The following TVP23A variants were observed in gnomAD, a reference collection of about 807,000 sequenced individuals.
The protein encoded by TVP23A is trans-golgi network vesicle protein 23 homolog A, also known as Golgi apparatus membrane protein TVP23 homolog A.
In TVP23A, 21 loss-of-function variants were observed where a neutral mutation model predicts 31.7. That is an observed-to-expected ratio of 0.66 (90% confidence interval 0.47 to 0.95). The LOEUF is 0.95. TVP23A is among the 40% of genes least tolerant of loss of function. The probability of loss-of-function intolerance (pLI) is 0.00; values close to 1 mark genes in which losing one functional copy is unlikely to be tolerated. For missense variants in TVP23A, 279 were observed against 255.6 expected (o/e 1.09, Z -0.62); for synonymous variants, 104 against 96.0 (o/e 1.08, Z -0.49).
intron 2 of TVP23A, among the ~76,000 whole-genome samples, chr16:10,812,575 G>T (rs975233202): frequency 6.6e-6 from 1 of 152,136 alleles, no homozygotes; most frequent in African/African-American, 2.4e-5. Context: ...GCCTTAAAAA[G>T]GAAGGAAATT....
chr16:10,779,171 G>A lies in TVP23A; in HGVS notation c.90-4075C>T, dbSNP rs2032269233. Among the ~76,000 whole-genome samples the A allele has an allele frequency of 6.6e-6, 1 of 152,130 alleles. No individual in the cohort carries two copies. The highest frequency in any genetic ancestry group is 2.4e-5 in the African/African-American group (1 of 41,404). ...TAGCTGGGCCCTGATTAACTCAATG[G>A]AAAGTGGTGTTACTCAAACAGAGTT... On this transcript the variant is annotated intron_variant, in intron 2 of 7. Coordinates refer to ENST00000299866, the MANE Select transcript of TVP23A (RefSeq NM_001079512.4). The surrounding 1 kb of genome is among the most constrained non-coding windows in gnomAD (Gnocchi z 4.9).
At chr16:10,809,457 GT>G (rs1158561288) in intron 2 of TVP23A, among the ~76,000 whole-genome samples, 1 of 152,236 alleles carries the variant, frequency 6.6e-6, no homozygotes, top group African/African-American at 2.4e-5. Context: ...CATAGAAAAG[GT>G]TGGTGGGAAA....
At chr16:10,757,880 C>A (rs753723145), downstream of TVP23A, 1 of 1,613,674 alleles carries the variant, frequency 6.2e-7, no homozygotes, top group South Asian at 1.1e-5. The surrounding 1 kb of genome is among the most constrained non-coding windows in gnomAD (Gnocchi z 4.1). Context: ...TAGGCATGAT[C>A]AAGCAGTTCC....
At chr16:10,817,185 G>C (rs1440726939) in intron 2 of TVP23A, among the ~76,000 whole-genome samples, 1 of 152,200 alleles carries the variant, frequency 6.6e-6, no homozygotes, top group African/African-American at 2.4e-5. Flanking sequence ...AGAACTGCAG[G>C]AGAATAAACT....
chr16:10,801,202 A>G (rs911085704), intron 2 of TVP23A, among the ~76,000 whole-genome samples: 3 of 152,116 alleles, frequency 2.0e-5, no homozygotes, highest in Non-Finnish European at 4.4e-5. Flanking sequence ...GAAAAAAAAA[A>G]TGCGATTTCT....
chr16:10,772,253 G>A (rs758025773), intron 5 of TVP23A, among the ~76,000 whole-genome samples: 8 of 152,228 alleles, frequency 5.3e-5, no homozygotes, highest in Admixed American at 1.3e-4. Context: ...TCAGGAAGAC[G>A]AAAGCTGCCC....
intron 2 of TVP23A, among the ~76,000 whole-genome samples, chr16:10,816,991 G>A (rs1316946602): frequency 6.6e-6 from 1 of 151,282 alleles, no homozygotes; most frequent in Non-Finnish European, 1.5e-5. Flanking sequence ...AGAGAGAGAT[G>A]TGAACATGCT....
At chr16:10,799,209 C>G (rs1016125453) in intron 2 of TVP23A, among the ~76,000 whole-genome samples, 8 of 152,238 alleles carry the variant, frequency 5.3e-5, no homozygotes, top group Admixed American at 5.2e-4. Context: ...CCCAGCCGAG[C>G]TGCTCCAATT....
chr16:10,788,828 C>G (rs1427370343), intron 2 of TVP23A, among the ~76,000 whole-genome samples: 1 of 152,198 alleles, frequency 6.6e-6, no homozygotes, highest in Non-Finnish European at 1.5e-5. Context: ...AACAAGGAGC[C>G]TGCATGTCTC....
intron 2 of TVP23A, among the ~76,000 whole-genome samples, chr16:10,775,744 CTTTTTTTTTTT>C (rs1004091841): frequency 2.1e-5 from 2 of 94,560 alleles, no homozygotes; most frequent in African/African-American, 8.9e-5. Context: ...AATTGCTTTT[CTTTTTTTTTTT>C]TTTTTTTTTT....
At chr16:10,780,303 T>A (rs2032345201) in intron 2 of TVP23A, among the ~76,000 whole-genome samples, 1 of 152,136 alleles carries the variant, frequency 6.6e-6, no homozygotes, top group Non-Finnish European at 1.5e-5. Context: ...TTCAGACCCC[T>A]AATAAACTTG....
At chr16:10,765,916 G>A (rs2030804702), downstream of TVP23A, 2 of 152,334 alleles carry the variant, frequency 1.3e-5, no homozygotes, top group Admixed American at 6.5e-5. The surrounding 1 kb of genome is among the most constrained non-coding windows in gnomAD (Gnocchi z 4.0). Context: ...AGCAAGGCCA[G>A]GGAGTGCCAG....
At chr16:10,780,561 C>T (rs940150857) in intron 2 of TVP23A, among the ~76,000 whole-genome samples, 3 of 152,108 alleles carry the variant, frequency 2.0e-5, no homozygotes, top group African/African-American at 7.2e-5. Context: ...ACTGGCCTGC[C>T]ACCCATGGGC....
At chr16:10,778,154 T>C (rs1423053975) in intron 2 of TVP23A, among the ~76,000 whole-genome samples, 3 of 152,022 alleles carry the variant, frequency 2.0e-5, no homozygotes, top group African/African-American at 7.2e-5. Context: ...GCCAACATGG[T>C]AAAACTCCGT....
chr16:10,757,907 G>C, downstream of TVP23A: 1 of 1,614,098 alleles, frequency 6.2e-7, no homozygotes, highest in Non-Finnish European at 8.5e-7. The surrounding 1 kb of genome is among the most constrained non-coding windows in gnomAD (Gnocchi z 4.1). Flanking sequence ...ATGTGGACTG[G>C]GGAGAGGTCG....
chr16:10,762,203 G>C, downstream of TVP23A: 1 of 194,818 alleles, frequency 5.1e-6, no homozygotes, highest in Non-Finnish European at 1.1e-5. Context: ...TACAGAGGAA[G>C]GCGGCCTGAG....
chr16:10,759,831 G>A (rs963499840), downstream of TVP23A, among the ~76,000 whole-genome samples: 2 of 152,196 alleles, frequency 1.3e-5, no homozygotes, highest in African/African-American at 4.8e-5. The surrounding 1 kb of genome is among the most constrained non-coding windows in gnomAD (Gnocchi z 4.7). Flanking sequence ...CTTTCTAGCT[G>A]AGCGCCCCTT....
chr16:10,786,050 GTTCTT>G (rs1468331985), intron 2 of TVP23A, among the ~76,000 whole-genome samples: 1 of 152,170 alleles, frequency 6.6e-6, no homozygotes, highest in African/African-American at 2.4e-5. Flanking sequence ...AAATGGTTGT[GTTCTT>G]TTAAGTTTCT....
At chr16:10,790,902 G>A (rs1264769898) in intron 2 of TVP23A, among the ~76,000 whole-genome samples, 2 of 152,142 alleles carry the variant, frequency 1.3e-5, no homozygotes, top group Non-Finnish European at 2.9e-5. Flanking sequence ...GTTAATGCTG[G>A]TCAGCTGTGC....
Sources: allele counts gnomAD v4.1 joint callset (sites outside exome capture counted in the v4.1 genomes callset), GRCh38; gene constraint gnomAD v4.1.1; non-coding constraint Gnocchi (gnomAD v3.1); transcripts MANE v1.5; gene names NCBI Gene and HGNC (gene_info 2026-07-23, HGNC 2026-07-21).